Variants in HSPH1 observed in about 807,000 individuals in gnomAD.
HSPH1 encodes heat shock protein 105 kDa.
Under a neutral mutation model 100.0 loss-of-function variants are expected in HSPH1, and 40 were observed. The ratio of observed to expected loss-of-function variants is 0.40; its 90% confidence interval spans 0.31 to 0.52. The LOEUF (loss-of-function observed/expected upper bound fraction) is 0.52. Among genes scored for constraint, HSPH1 ranks in the 20% least tolerant of loss-of-function variants. The pLI is 0.54. For synonymous variants in HSPH1, 403 were observed against 344.0 expected (o/e 1.17, Z -1.90); for missense variants, 876 against 1,015.1 (o/e 0.86, Z 1.86).
chr13:31,140,215 C>T lies in HSPH1; in HGVS notation c.1949G>A (p.Cys650Tyr). ...EYVYEFRDKLCGPYEKFICEQ... is the reference protein window; with the variant it reads ...EYVYEFRDKLYGPYEKFICEQ... ...ACATATAAATTTTTCATATGGTCCACACAGCTTGTCTCTGAACTCATACAC... is the reference window on the plus strand; with the variant it reads ...ACATATAAATTTTTCATATGGTCCATACAGCTTGTCTCTGAACTCATACAC... The change falls in exon 14 of 18, where the codon TGT (cysteine) becomes TAT (tyrosine). Residue 650 changes from cysteine to tyrosine, a missense_variant. Cys to Tyr is a radical substitution (Grantham distance 194). Transcript: ENST00000320027. The T allele has an allele frequency of 6.2e-7, 1 of 1,611,960 alleles. No individual in the cohort carries two copies. The highest frequency in any genetic ancestry group is 8.5e-7 in the Non-Finnish European group (1 of 1,178,748).
intron 12 of HSPH1, among the ~76,000 whole-genome samples, 193 bp downstream of exon 12, chr13:31,143,599 A>G (rs1040625683): frequency 6.6e-6 from 1 of 152,196 alleles, no homozygotes; most frequent in Non-Finnish European, 1.5e-5. Context: ...AAAGCAGGAC[A>G]TTCAATTCCC....
chr13:31,138,434 A>G lies in HSPH1; in HGVS notation c.2343T>C (p.Arg781=). ...KKSLDQDPVV[R]AQEIKTKIKE... ...TGATTTTTGTTTTAATTTCCTGAGC[A>G]CGTACAACTGGATCCTGATCAAGAC... Residue 781 remains arginine, a synonymous_variant, in exon 17 of 18, where the codon CGT becomes CGC. Coordinates refer to ENST00000320027, the MANE Select transcript of HSPH1 (RefSeq NM_006644.4). 6.2e-7 allele frequency: 1 copy of G among 1,613,110 alleles called. No homozygotes were observed. The highest frequency in any genetic ancestry group is 8.5e-7 in the Non-Finnish European group (1 of 1,179,380).
intron 7 of HSPH1, 119 bp downstream of exon 7, chr13:31,150,828 G>C (rs1941953389): frequency 3.1e-6 from 3 of 972,628 alleles, no homozygotes; most frequent in Non-Finnish European, 3.0e-6. Flanking sequence ...CCAGCCACAG[G>C]CATGTAACAC....
rs570697352 is a variant in HSPH1, at chr13:31,138,586, G to C, written c.2209-18C>G. The C allele has an allele frequency of 1.9e-6, 3 of 1,592,054 alleles. No homozygotes were observed. The highest frequency in any genetic ancestry group is 2.6e-6 in the Non-Finnish European group (3 of 1,170,606). On this transcript the variant is annotated intron_variant, in intron 16 of 17. Transcript: ENST00000320027. ...TTCTCATCCTGAACAAAAATAACAC[G>C]GTCATTCTGTAGAATTTATTGAACA...
intron 12 of HSPH1, 104 bp from the exon 13 acceptor site, chr13:31,141,363 T>C (rs1031783653): frequency 2.2e-6 from 2 of 916,504 alleles, no homozygotes; most frequent in Non-Finnish European, 1.6e-6. Context: ...AAAAATAAAA[T>C]CTCTAAAAAT....
chr13:31,141,626 A>C (rs1161006344), intron 12 of HSPH1, among the ~76,000 whole-genome samples: 1 of 152,080 alleles, frequency 6.6e-6, no homozygotes. Context: ...CTGTCACCTA[A>C]GGATAAGCTT....
upstream of HSPH1, chr13:31,161,931 C>T (rs187030299): frequency 3.3e-6 from 5 of 1,532,102 alleles, no homozygotes; most frequent in African/African-American, 5.5e-5. Context: ...CTTCCTCAGC[C>T]TTATGTATCG....
Position 31,138,793 on chromosome 13 carries a change from G to C in HSPH1, c.2196C>G (p.Asp732Glu). The change falls in exon 16 of 18, where the codon GAC (aspartate) becomes GAG (glutamate). Residue 732 changes from aspartate to glutamate, a missense_variant. Physicochemically the swap from Asp to Glu is conservative, Grantham distance 45. Transcript: ENST00000320027. ...RLQHYAKIAA[D>E]FRNKDEKYNH... ...AAGACTGACTCACCTTATTTCTGAAGTCAGCTGCTATCTTGGCATAATGCT... is the reference window on the plus strand; with the variant it reads ...AAGACTGACTCACCTTATTTCTGAACTCAGCTGCTATCTTGGCATAATGCT... 1 of 1,605,928 alleles carries C rather than the reference G, an allele frequency of 6.2e-7. No homozygotes were observed. The highest frequency in any genetic ancestry group is 8.5e-7 in the Non-Finnish European group (1 of 1,177,820).
chr13:31,155,940 CAA>C lies in HSPH1; in HGVS notation c.166-288_166-287del, dbSNP rs532937991. ...GATTTCAAAATCTGCAAGATAAACT[CAA>C]AGACAGTGAAAACTATCACTAAAGC... On this transcript the variant is annotated intron_variant, in intron 2 of 17. Coordinates refer to ENST00000320027, the MANE Select transcript of HSPH1 (RefSeq NM_006644.4). 4.6e-5 allele frequency among the ~76,000 whole-genome samples: 7 copies of C among 152,254 alleles called. No homozygotes were observed. In the South Asian group the frequency reaches 1.5e-3, roughly 32 times the overall value.
At chr13:31,155,245 A>G (rs899404489) in intron 3 of HSPH1, among the ~76,000 whole-genome samples, 1 of 152,084 alleles carries the variant, frequency 6.6e-6, no homozygotes, top group Non-Finnish European at 1.5e-5. Context: ...CACAATGTCG[A>G]TTTTTTTTCC....
chr13:31,152,942 A>T lies in HSPH1; in HGVS notation c.439T>A (p.Phe147Ile). The stretch of plus-strand genomic sequence containing the variant: ...GATCGCCTCTCAGCATCTGTAAAGA[A>T]GGAGGGGACCTACAAACAAACAAAA... Reference protein sequence around the residue: ...VTDCVISVPSFFTDAERRSVL... With the variant: ...VTDCVISVPSIFTDAERRSVL... Residue 147 changes from phenylalanine to isoleucine, a missense_variant, in exon 5 of 18, where the codon TTC (phenylalanine) becomes ATC (isoleucine). Transcript: ENST00000320027. 1.9e-6 allele frequency: 3 copies of T among 1,610,838 alleles called. No homozygotes were observed. The highest frequency in any genetic ancestry group is 2.5e-6 in the Non-Finnish European group (3 of 1,177,540).
In HSPH1 at chr13:31,152,856, T is replaced by C. The variant is rs1311118701; in HGVS notation, c.525A>G (p.Thr175=). 2 of 1,603,876 alleles carry C rather than the reference T, an allele frequency of 1.2e-6. No individual in the cohort carries two copies. The highest frequency in any genetic ancestry group is 2.2e-5 in the East Asian group (1 of 44,804). ...ACACAAATGCCTTTTCCTTACCAGC[T>C]GTCATGTCATTCATAAGTCTTAAAC... ...LNCLRLMNDM[T]AVALNYGIYK... is the part of the protein sequence containing the mutation. Residue 175 remains threonine (T), a synonymous_variant, in exon 5 of 18, where the codon ACA becomes ACG. Coordinates refer to ENST00000320027, the MANE Select transcript of HSPH1 (RefSeq NM_006644.4).
intron 17 of HSPH1, among the ~76,000 whole-genome samples, chr13:31,138,171 T>C (rs779822074): frequency 3.3e-5 from 5 of 152,100 alleles, no homozygotes; most frequent in African/African-American, 4.8e-5. Flanking sequence ...GACTGGTACA[T>C]GACAGGTGCT....
intron 11 of HSPH1, 37 bp from the exon 12 acceptor site, chr13:31,143,960 C>A: frequency 6.6e-7 from 1 of 1,521,818 alleles, no homozygotes. Context: ...ATGTAGAAAG[C>A]AGGTGTACTT....
chr13:31,143,382 GAGAGGAGAAAGTTT>G (rs1956166171), intron 12 of HSPH1, among the ~76,000 whole-genome samples: 1 of 152,074 alleles, frequency 6.6e-6, no homozygotes, highest in South Asian at 2.1e-4. Flanking sequence ...CCGATGGCTT[GAGAGGAGAAAGTTT>G]ACTAGACTCC....
Position 31,145,701 on chromosome 13 carries a change from CACTTTG to C in HSPH1, c.1440_1445del (p.Lys481_Val482del). The C allele has an allele frequency of 6.2e-7, 1 of 1,613,670 alleles. No homozygotes were observed. The highest frequency in any genetic ancestry group is 8.5e-7 in the Non-Finnish European group (1 of 1,179,760). Reference sequence around the variant, plus strand: ...TGAAAATGCCATGGGTGTTGACTCGCACTTTGACTTTTACTCTAGATTTTTCTCCAT... The same window carrying C: ...TGAAAATGCCATGGGTGTTGACTCGCACTTTTACTCTAGATTTTTCTCCAT... On this transcript the variant is annotated inframe_deletion, in exon 11 of 18. Transcript: ENST00000320027.
intron 2 of HSPH1, 65 bp downstream of exon 2, chr13:31,158,741 C>T: frequency 9.8e-7 from 1 of 1,016,680 alleles, no homozygotes; most frequent in African/African-American, 1.6e-5. Flanking sequence ...TTATATGTCT[C>T]TTGAGATTTT....
chr13:31,148,289 T>C, intron 9 of HSPH1, 85 bp downstream of exon 9: 2 of 1,026,852 alleles, frequency 1.9e-6, no homozygotes, highest in Non-Finnish European at 3.0e-6. Context: ...AGAGAAGTCA[T>C]TTGTTAATGA....
chr13:31,155,628 C>A lies in HSPH1; in HGVS notation c.192G>T (p.Val64=), dbSNP rs1386058570. The A allele has an allele frequency of 1.2e-6, 2 of 1,609,192 alleles. No homozygotes were observed. The highest frequency in any genetic ancestry group is 1.7e-6 in the Non-Finnish European group (2 of 1,177,972). ...NQQITHANNT[V]SNFKRFHGRA... ...GGCCATGAAATCTTTTGAAGTTAGA[C>A]ACCGTATTGTTTGCATGAGTGATTT... Residue 64 remains valine, a synonymous_variant, in exon 3 of 18, where the codon GTG becomes GTT. Transcript: ENST00000320027.
Sources: allele counts gnomAD v4.1 joint callset (sites outside exome capture counted in the v4.1 genomes callset), GRCh38; gene constraint gnomAD v4.1.1; transcripts MANE v1.5; gene names NCBI Gene and HGNC (gene_info 2026-07-23, HGNC 2026-07-21).